RNF144A: variants seen among roughly 807,000 people sequenced by gnomAD.
RNF144A encodes the protein ring finger protein 144A, also known as E3 ubiquitin-protein ligase RNF144A.
A neutral mutation model predicts 38.7 loss-of-function variants in RNF144A; 11 were observed. The observed-to-expected ratio is 0.28, with a 90% CI of 0.18 to 0.47. The LOEUF (loss-of-function observed/expected upper bound fraction) is 0.47. RNF144A is among the 20% of genes least tolerant of loss of function. The probability of loss-of-function intolerance (pLI) is 0.99; values close to 1 mark genes in which losing one functional copy is unlikely to be tolerated. For missense variants in RNF144A, 316 were observed against 377.2 expected (o/e 0.84, Z 1.34); for synonymous variants, 149 against 143.9 (o/e 1.04, Z -0.25).
chr2:7,001,301 A>C (rs1420490556), intron 3 of RNF144A, among the ~76,000 whole-genome samples: 4 of 151,910 alleles, frequency 2.6e-5, no homozygotes, highest in Non-Finnish European at 5.9e-5. Flanking sequence ...ACTCCATCTC[A>C]ATAAATAAAT....
intron 2 of RNF144A, among the ~76,000 whole-genome samples, chr2:6,953,208 C>T (rs1186338283): frequency 6.6e-6 from 1 of 152,152 alleles, no homozygotes; most frequent in African/African-American, 2.4e-5. Flanking sequence ...CGGTGGATCA[C>T]CTGAGGTCAG....
Position 7,021,120 on chromosome 2 carries a change from C to G in RNF144A, c.509+440C>G, listed in dbSNP as rs909583901. On this transcript the variant is annotated intron_variant, in intron 6 of 8. Transcript: ENST00000320892. ...CTGGAGGGGGATGGGGAGACACTCC[C>G]TGGTGGCGGCCTCCCCTGCAGCCAT... Among the ~76,000 whole-genome samples the G allele has an allele frequency of 3.9e-5, 6 of 152,276 alleles. 1 individual carries two copies. Among genetic ancestry groups the G allele is most frequent in the African/African-American group, 1.4e-4 (6 of 41,556 alleles).
intron 2 of RNF144A, among the ~76,000 whole-genome samples, chr2:6,970,449 CTCTT>C (rs1332218652): frequency 3.3e-5 from 5 of 152,172 alleles, no homozygotes; most frequent in African/African-American, 1.2e-4. Context: ...TCCAATAAAC[CTCTT>C]TCTTTTGTAA....
chr2:7,033,536 C>G (rs1672462747), intron 8 of RNF144A, among the ~76,000 whole-genome samples: 1 of 152,244 alleles, frequency 6.6e-6, no homozygotes. Context: ...TTTGCCCTGG[C>G]CGTTGCTGCC....
Position 6,924,455 on chromosome 2 carries a change from G to A in RNF144A, c.-212+6833G>A, listed in dbSNP as rs554010978. Among the ~76,000 whole-genome samples, 8 of 152,392 alleles carry A rather than the reference G, an allele frequency of 5.2e-5. No homozygotes were observed. In the South Asian group the frequency reaches 1.7e-3, roughly 32 times the overall value. On this transcript the variant is annotated intron_variant, in intron 1 of 8. Transcript: ENST00000320892. The stretch of plus-strand genomic sequence containing the variant: ...CTGGGAGTCTGGTGAGGAAGCGATT[G>A]TGGAAATGGGACTCAGCATAGGTGG...
At chr2:6,956,465 A>G (rs543457523) in intron 2 of RNF144A, among the ~76,000 whole-genome samples, 12 of 152,342 alleles carry the variant, frequency 7.9e-5, no homozygotes, top group Admixed American at 6.5e-5. Context: ...AGGTTGTTGC[A>G]TAGATCCCCA....
intron 6 of RNF144A, among the ~76,000 whole-genome samples, chr2:7,066,981 A>G (rs1674258414): frequency 1.3e-5 from 2 of 152,218 alleles, no homozygotes; most frequent in South Asian, 2.1e-4. Context: ...GTGGTCAATC[A>G]TTATTTTTGC....
intron 1 of RNF144A, among the ~76,000 whole-genome samples, chr2:6,935,858 G>T (rs774398463): frequency 2.0e-5 from 3 of 152,364 alleles, no homozygotes; most frequent in Admixed American, 6.5e-5. Context: ...GGCTTCTGAG[G>T]GACATCCATG....
chr2:6,969,701 T>G (rs187093935), intron 2 of RNF144A, among the ~76,000 whole-genome samples: 77 of 152,326 alleles, frequency 5.1e-4, no homozygotes, highest in African/African-American at 1.8e-3. Context: ...TGACCTCAAG[T>G]GACGGATTGC....
intron 6 of RNF144A, among the ~76,000 whole-genome samples, chr2:7,065,992 T>C (rs1315938962): frequency 6.6e-6 from 1 of 152,218 alleles, no homozygotes; most frequent in African/African-American, 2.4e-5. Context: ...AATGAACTGA[T>C]GAGGACAATA....
intron 2 of RNF144A, among the ~76,000 whole-genome samples, chr2:6,959,255 A>G (rs988110866): frequency 1.3e-5 from 2 of 152,162 alleles, no homozygotes; most frequent in Admixed American, 1.3e-4. Flanking sequence ...TTGTTCTCTC[A>G]GTGGGACATT....
intron 5 of RNF144A, among the ~76,000 whole-genome samples, chr2:7,015,561 A>T (rs1266356900): frequency 1.3e-5 from 2 of 152,246 alleles, no homozygotes; most frequent in Non-Finnish European, 2.9e-5. Context: ...ATTGCAAAGC[A>T]TTAAGCCATG....
chr2:6,984,299 T>C (rs1228137157), intron 2 of RNF144A, among the ~76,000 whole-genome samples: 4 of 152,138 alleles, frequency 2.6e-5, no homozygotes, highest in Non-Finnish European at 4.4e-5. Context: ...AGTTTCTTTT[T>C]TCTTTTCTTT....
rs1673006247 is a variant in RNF144A at position 7,040,891 on chromosome 2, C to T, written c.*1131C>T. The T allele has an allele frequency of 1.0e-6, 1 of 985,478 alleles. No homozygotes were observed. Among genetic ancestry groups the T allele is most frequent in the South Asian group, 4.7e-5 (1 of 21,294 alleles). 61.0% of individuals were successfully genotyped at this position (985,478 alleles called of 1,614,324 possible). A position where few individuals can be genotyped will look rare whatever the true frequency, so the allele number is the denominator to read the frequency against. The stretch of plus-strand genomic sequence containing the variant: ...TTGCTCTTGTTGGGGAAAAGAACCT[C>T]CCATTTCACTTCGTTTTAACGTGGG... On this transcript the variant is annotated 3_prime_UTR_variant, in exon 9 of 9. Coordinates refer to ENST00000320892, the MANE Select transcript of RNF144A (RefSeq NM_014746.6).
chr2:6,937,954 G>T (rs1665699570), intron 1 of RNF144A, among the ~76,000 whole-genome samples: 2 of 152,240 alleles, frequency 1.3e-5, no homozygotes, highest in Admixed American at 1.3e-4. Flanking sequence ...TGTGTCTTCT[G>T]TCTGGTCAGA....
chr2:7,047,876 C>G (rs535442763), downstream of RNF144A, among the ~76,000 whole-genome samples: 4 of 152,148 alleles, frequency 2.6e-5, no homozygotes, highest in Non-Finnish European at 5.9e-5. Context: ...CCATTTGCCA[C>G]AAGTGACACC....
In RNF144A at chr2:6,941,447, A is replaced by AG. The variant is rs564070716; in HGVS notation, c.-12+301dup. ...CTGTTTTAGATCTCCCTGATTCACT[A>AG]GAGAACACGTGGATTGAGCTCCTGC... On this transcript the variant is annotated intron_variant, in intron 2 of 8. Coordinates refer to ENST00000320892, the MANE Select transcript of RNF144A (RefSeq NM_014746.6). The surrounding 1 kb of genome is among the most constrained non-coding windows in gnomAD (Gnocchi z 6.5). 1.5e-3 allele frequency among the ~76,000 whole-genome samples: 221 copies of AG among 152,222 alleles called. 1 individual carries two copies. Among genetic ancestry groups the AG allele is most frequent in the Non-Finnish European group, 2.5e-3 (173 of 68,046 alleles).
At chr2:6,994,503 G>T (rs886484157) in intron 2 of RNF144A, among the ~76,000 whole-genome samples, 13 of 152,288 alleles carry the variant, frequency 8.5e-5, no homozygotes, top group African/African-American at 3.1e-4. Context: ...GATTGAAAAT[G>T]ATGACAGTCA....
chr2:7,020,093 C>T (rs570730166), intron 5 of RNF144A, among the ~76,000 whole-genome samples: 2 of 152,298 alleles, frequency 1.3e-5, no homozygotes, highest in South Asian at 4.1e-4. Context: ...GAGCTAGCGC[C>T]ATGTGCATTG....
Sources: allele counts gnomAD v4.1 joint callset (sites outside exome capture counted in the v4.1 genomes callset), GRCh38; gene constraint gnomAD v4.1.1; non-coding constraint Gnocchi (gnomAD v3.1); transcripts MANE v1.5; gene names NCBI Gene and HGNC (gene_info 2026-07-23, HGNC 2026-07-21).